Variants in BAZ2B observed in about 807,000 individuals in gnomAD.
The protein encoded by BAZ2B is bromodomain adjacent to zinc finger domain protein 2B.
BAZ2B carries 91 observed loss-of-function variants against 246.0 expected under a neutral mutation model. The ratio of observed to expected loss-of-function variants is 0.37; its 90% CI spans 0.31 to 0.44. BAZ2B has a LOEUF of 0.44. Ranked by LOEUF, BAZ2B falls within the 20% of genes least tolerant of loss-of-function variation. The pLI is 1.00. For missense variants in BAZ2B, 2,332 were observed against 2,533.7 expected, an observed-to-expected ratio of 0.92 and a Z score of 1.71; for synonymous variants, 855 against 860.0, an observed-to-expected ratio of 0.99 and a Z score of 0.10.
intron 13 of BAZ2B, among the ~76,000 whole-genome samples, chr2:159,425,193 T>G (rs1337894932): frequency 2.0e-5 from 3 of 152,204 alleles, no homozygotes; most frequent in Non-Finnish European, 2.9e-5. Context: ...TCTGTTGTTG[T>G]TTTTTTAGAT....
the BAZ2B span, among the ~76,000 whole-genome samples, chr2:159,635,082 T>C: frequency 2.0e-5 from 3 of 152,288 alleles, no homozygotes; most frequent in South Asian, 6.2e-4. Flanking sequence ...TCAGCTGGAA[T>C]TTTGTGGCAA....
chr2:159,508,576 T>A (rs934354893), intron 2 of BAZ2B, among the ~76,000 whole-genome samples: 1 of 150,880 alleles, frequency 6.6e-6, no homozygotes, highest in Non-Finnish European at 1.5e-5. Flanking sequence ...TTCAAATTCA[T>A]ATTAAGGCAA....
Position 159,558,967 on chromosome 2 carries a change from G to A in BAZ2B, c.-45-3102C>T, listed in dbSNP as rs1194365039. Among the ~76,000 whole-genome samples the A allele has an allele frequency of 2.6e-5, 4 of 152,010 alleles. 1 individual carries two copies. The highest frequency in any genetic ancestry group is 2.4e-5 in the African/African-American group (1 of 41,408). The stretch of plus-strand genomic sequence containing the variant: ...GAAGGTAGCTACATAGGCCAGGCGC[G>A]GGTGGTTCATGCCTGTAATCCCAGC... On this transcript the variant is annotated intron_variant, in intron 1 of 36. Coordinates refer to ENST00000392783, the MANE Select transcript of BAZ2B (RefSeq NM_013450.4).
At chr2:159,592,021 G>A (rs1689505839) in intron 1 of BAZ2B, among the ~76,000 whole-genome samples, 2 of 152,100 alleles carry the variant, frequency 1.3e-5, no homozygotes, top group African/African-American at 4.8e-5. Flanking sequence ...TCAAGAGGTT[G>A]AGGCGTGAGG....
intron 1 of BAZ2B, among the ~76,000 whole-genome samples, chr2:159,591,962 T>A (rs1228057632): frequency 6.6e-6 from 1 of 152,040 alleles, no homozygotes; most frequent in Admixed American, 6.6e-5. Flanking sequence ...TCTACAAAAA[T>A]TTTTAAAAGC....
At chr2:159,478,523 C>G in intron 3 of BAZ2B, 52 bp downstream of exon 3, 1 of 1,524,670 alleles carries the variant, frequency 6.6e-7, no homozygotes, top group East Asian at 2.4e-5. Flanking sequence ...AAATATTATG[C>G]AAATTATTAA....
At chr2:159,357,332 C>A (rs974102453) in intron 27 of BAZ2B, among the ~76,000 whole-genome samples, 6 of 151,576 alleles carry the variant, frequency 4.0e-5, no homozygotes, top group African/African-American at 1.5e-4. Flanking sequence ...AAAGCACACA[C>A]AAGTATCAAC....
At chr2:159,383,950 A>G (rs2062310912) in intron 23 of BAZ2B, among the ~76,000 whole-genome samples, 1 of 152,086 alleles carries the variant, frequency 6.6e-6, no homozygotes, top group African/African-American at 2.4e-5. Context: ...GAAACTATGC[A>G]TCAATTGCCT....
intron 2 of BAZ2B, among the ~76,000 whole-genome samples, chr2:159,552,918 T>C (rs2088498967): frequency 6.6e-6 from 1 of 152,268 alleles, no homozygotes; most frequent in African/African-American, 2.4e-5. Context: ...TATGTGGATA[T>C]GGTATTAGAG....
At chr2:159,651,602 AACTT>A in the BAZ2B span, among the ~76,000 whole-genome samples, 1 of 152,088 alleles carries the variant, frequency 6.6e-6, no homozygotes, top group African/African-American at 2.4e-5. Context: ...TTTACCATAA[AACTT>A]ACCCCTTTGA....
chr2:159,619,896 T>A (rs1696362697), upstream of BAZ2B, among the ~76,000 whole-genome samples: 1 of 152,184 alleles, frequency 6.6e-6, no homozygotes, highest in Non-Finnish European at 1.5e-5. Context: ...GGACTTCGTC[T>A]TCTACCCAAG....
intron 1 of BAZ2B, among the ~76,000 whole-genome samples, chr2:159,578,985 T>C (rs1342687252): frequency 6.6e-6 from 1 of 152,056 alleles, no homozygotes; most frequent in Non-Finnish European, 1.5e-5. Flanking sequence ...GATCTAAAAT[T>C]GACACCCTAA....
At chr2:159,682,689 T>C in the BAZ2B span, among the ~76,000 whole-genome samples, 1 of 152,208 alleles carries the variant, frequency 6.6e-6, no homozygotes, top group Non-Finnish European at 1.5e-5. Flanking sequence ...GGGCAGAGAA[T>C]GCTGATTATT....
At chr2:159,600,949 A>C (rs901313192) in intron 1 of BAZ2B, among the ~76,000 whole-genome samples, 1 of 152,198 alleles carries the variant, frequency 6.6e-6, no homozygotes, top group Admixed American at 6.5e-5. Context: ...GACTCATCAC[A>C]CAAAACTCAT....
At chr2:159,601,948 T>C (rs1692260075) in intron 1 of BAZ2B, among the ~76,000 whole-genome samples, 1 of 152,204 alleles carries the variant, frequency 6.6e-6, no homozygotes, top group Non-Finnish European at 1.5e-5. Flanking sequence ...AAAATTATCT[T>C]TGTTTGTATA....
chr2:159,428,334 T>C lies in BAZ2B; in HGVS notation c.2341A>G (p.Arg781Gly). The change falls in exon 12 of 37, where the codon AGG (arginine) becomes GGG (glycine). Residue 781 changes from arginine to glycine, a missense_variant. Arg to Gly is a moderately radical substitution (Grantham distance 125). Coordinates refer to ENST00000392783, the MANE Select transcript of BAZ2B (RefSeq NM_013450.4). ...AYYAPCGKKL[R>G]QYPEVIKYLS... ...ACCTTTATTACTTCAGGGTACTGCC[T>C]AAGTTTCTTTCCACATGGAGCATAA... The C allele has an allele frequency of 6.2e-7, 1 of 1,613,168 alleles. No homozygotes were observed. The highest frequency in any genetic ancestry group is 1.3e-5 in the African/African-American group (1 of 75,040).
chr2:159,357,027 G>A (rs1018631785), intron 27 of BAZ2B, among the ~76,000 whole-genome samples: 3 of 151,956 alleles, frequency 2.0e-5, no homozygotes, highest in Non-Finnish European at 4.4e-5. Context: ...AAAAACGAAC[G>A]CAAAAAGGCT....
chr2:159,525,825 C>T (rs1399973538), intron 2 of BAZ2B, among the ~76,000 whole-genome samples: 4 of 152,134 alleles, frequency 2.6e-5, no homozygotes, highest in Admixed American at 6.5e-5. Flanking sequence ...TGGCTGAAAA[C>T]GTACTTTAAG....
the BAZ2B span, among the ~76,000 whole-genome samples, chr2:159,687,222 CT>C: frequency 1.3e-5 from 2 of 152,066 alleles, no homozygotes; most frequent in African/African-American, 4.8e-5. Flanking sequence ...ACTCTGGAAG[CT>C]TCTTGAGTAA....
Sources: gnomAD v4.1 joint callset for allele counts (sites outside exome capture counted in the v4.1 genomes callset) on GRCh38, gnomAD v4.1.1 for gene constraint, MANE v1.5 for transcripts, NCBI Gene and HGNC (gene_info 2026-07-23, HGNC 2026-07-21) for gene names.